The following FNDC3B variants were observed in gnomAD, a reference collection of about 807,000 sequenced individuals.
FNDC3B encodes the protein fibronectin type III domain-containing protein 3B.
A neutral mutation model predicts 151.5 loss-of-function variants in FNDC3B; 12 were observed. The ratio of observed to expected loss-of-function variants is 0.08; its 90% CI spans 0.05 to 0.13. The LOEUF is 0.13. FNDC3B is among the 10% of genes least tolerant of loss of function. The pLI, the probability that FNDC3B is intolerant of heterozygous loss-of-function variation, is 1.00. For missense variants in FNDC3B, 1,214 were observed against 1,505.3 expected, an observed-to-expected ratio of 0.81 and a Z score of 3.20; for synonymous variants, 528 against 549.0, an observed-to-expected ratio of 0.96 and a Z score of 0.54.
intron 1 of FNDC3B, among the ~76,000 whole-genome samples, chr3:172,054,576 G>A (rs1364952453): frequency 6.6e-6 from 1 of 152,216 alleles, no homozygotes; most frequent in Non-Finnish European, 1.5e-5. Flanking sequence ...CTTCTTCACA[G>A]GAATATTCCT....
intron 1 of FNDC3B, among the ~76,000 whole-genome samples, chr3:172,081,947 AAATT>A (rs1231865736): frequency 2.6e-5 from 4 of 152,204 alleles, no homozygotes; most frequent in South Asian, 2.1e-4. Flanking sequence ...TGGCTGAGTG[AAATT>A]AATTGTTAAC....
At chr3:172,388,608 C>A (rs1293446987) in intron 25 of FNDC3B, among the ~76,000 whole-genome samples, 1 of 152,182 alleles carries the variant, frequency 6.6e-6, no homozygotes, top group African/African-American at 2.4e-5. Flanking sequence ...CTGCACAGTC[C>A]TGGGGGAGGC....
chr3:172,122,951 C>G (rs180817243), intron 2 of FNDC3B, among the ~76,000 whole-genome samples: 3 of 152,322 alleles, frequency 2.0e-5, no homozygotes. Flanking sequence ...AAATGCAAAT[C>G]AGTTCTTGTT....
chr3:172,128,613 A>G (rs1016641939), intron 2 of FNDC3B, among the ~76,000 whole-genome samples: 10 of 152,256 alleles, frequency 6.6e-5, no homozygotes, highest in Non-Finnish European at 1.2e-4. Context: ...AAATAGTAGC[A>G]TGAGGAATAG....
At position 172,047,759 on chromosome 3, in the gene FNDC3B, C is replaced by T. The variant is rs76709711; in HGVS notation, c.-29+7988C>T. Among the ~76,000 whole-genome samples, 607 of 152,312 alleles carry T rather than the reference C, an allele frequency of 4.0e-3. 6 individuals carry two copies. The highest frequency in any genetic ancestry group is 0.014 in the African/African-American group (582 of 41,562). On this transcript the variant is annotated intron_variant, in intron 1 of 25. Coordinates refer to ENST00000415807, the MANE Select transcript of FNDC3B (RefSeq NM_022763.4). ...ATAAACACAATATCTGCCTCCCCCA[C>T]CCCACTCCACTCTACCAATAGACTC...
intron 1 of FNDC3B, among the ~76,000 whole-genome samples, chr3:172,094,611 T>C (rs1719008352): frequency 6.6e-6 from 1 of 152,162 alleles, no homozygotes; most frequent in South Asian, 2.1e-4. Context: ...ATTTAAGTAA[T>C]GCTGCTGTGA....
At chr3:172,367,716 G>A (rs941884770) in intron 23 of FNDC3B, among the ~76,000 whole-genome samples, 2 of 152,150 alleles carry the variant, frequency 1.3e-5, no homozygotes, top group Non-Finnish European at 2.9e-5. Context: ...GACCCCTGTG[G>A]GTCTGTGTTC....
chr3:172,289,386 T>A (rs1730200213), intron 7 of FNDC3B, among the ~76,000 whole-genome samples: 1 of 150,118 alleles, frequency 6.7e-6, no homozygotes, highest in Non-Finnish European at 1.5e-5. Context: ...AGCCTTAACT[T>A]GGTCACACCT....
chr3:172,083,573 C>T (rs965765322), intron 1 of FNDC3B, among the ~76,000 whole-genome samples: 1 of 152,216 alleles, frequency 6.6e-6, no homozygotes, highest in Non-Finnish European at 1.5e-5. Flanking sequence ...TCAAAACCAT[C>T]ATGTCCTATA....
At chr3:172,169,342 G>T (rs185415843) in intron 3 of FNDC3B, among the ~76,000 whole-genome samples, 1 of 152,360 alleles carries the variant, frequency 6.6e-6, no homozygotes, top group East Asian at 1.9e-4. Context: ...GATCTTTGCT[G>T]AGTGAGGCCT....
In FNDC3B at chr3:172,298,772, C is replaced by A. The variant is rs1168809996; in HGVS notation, c.1046C>A (p.Thr349Lys). The change falls in exon 9 of 26, where the codon ACA becomes AAA. Residue 349 changes from threonine to lysine, a missense_variant. Thr to Lys is a moderately conservative substitution (Grantham distance 78). Transcript: ENST00000415807. ...AACCTGAAAGATCTTAGACCAGCAA[C>A]AGATTATCATGTGAGGTGAGTTAGG... The part of the protein sequence containing the change: ...ECNLKDLRPA[T>K]DYHVRVYAMY... 6.2e-7 allele frequency: 1 copy of A among 1,608,198 alleles called. No individual in the cohort carries two copies. Among genetic ancestry groups the A allele is most frequent in the Admixed American group, 1.7e-5 (1 of 58,918 alleles).
intron 3 of FNDC3B, among the ~76,000 whole-genome samples, chr3:172,164,020 C>A (rs1004571441): frequency 6.6e-6 from 1 of 152,164 alleles, no homozygotes; most frequent in Non-Finnish European, 1.5e-5. Flanking sequence ...CCTTTTCACC[C>A]AGTGCATTTG....
At chr3:172,152,349 A>G (rs1246512673) in intron 3 of FNDC3B, among the ~76,000 whole-genome samples, 1 of 152,112 alleles carries the variant, frequency 6.6e-6, no homozygotes, top group African/African-American at 2.4e-5. Flanking sequence ...TGTATGGGGT[A>G]CTTAACGCCT....
intron 11 of FNDC3B, among the ~76,000 whole-genome samples, chr3:172,322,387 C>T (rs973882616): frequency 5.9e-5 from 9 of 152,186 alleles, no homozygotes; most frequent in Non-Finnish European, 2.9e-5. Context: ...CCTTTCCACA[C>T]CCAGCCTTGG....
chr3:172,078,173 TTTTGCCA>T (rs770995136), intron 1 of FNDC3B, among the ~76,000 whole-genome samples: 188 of 152,176 alleles, frequency 1.2e-3, no homozygotes, highest in Non-Finnish European at 1.9e-3. Context: ...TAGAGATGGG[TTTTGCCA>T]TGTTGGCCAG....
intron 25 of FNDC3B, among the ~76,000 whole-genome samples, chr3:172,388,089 C>CGG (rs1451969507): frequency 6.6e-6 from 1 of 152,198 alleles, no homozygotes; most frequent in African/African-American, 2.4e-5. Context: ...AGCATTAGAT[C>CGG]ATTCAATCAT....
rs1399721132 is a variant in FNDC3B at position 172,397,314 on chromosome 3, C to T, written c.3454C>T (p.Arg1152Ter). The T allele has an allele frequency of 6.2e-7, 1 of 1,614,044 alleles. No homozygotes were observed. The highest frequency in any genetic ancestry group is 1.7e-5 in the Admixed American group (1 of 59,996). Residue 1152 changes from arginine to a stop codon, truncating the protein, a stop_gained, in exon 26 of 26, where the codon CGA becomes TGA. Coordinates refer to ENST00000415807, the MANE Select transcript of FNDC3B (RefSeq NM_022763.4). LOFTEE classifies it high-confidence loss of function. ...CCCCTCTGCGGCTTTTGTATTACAA[C>T]GAAGTGAGGTCATGCTTACAGGGGA... Reference protein sequence around the residue: ...FSPSAAFVLQRSEVMLTGDMG... With the variant: ...FSPSAAFVLQ
chr3:172,395,586 T>C (rs1736232185), intron 25 of FNDC3B, among the ~76,000 whole-genome samples: 1 of 152,220 alleles, frequency 6.6e-6, no homozygotes, highest in South Asian at 2.1e-4. Flanking sequence ...TATTTAAATG[T>C]TAGTTTGTGA....
At chr3:172,177,881 T>C (rs1009762605) in intron 3 of FNDC3B, among the ~76,000 whole-genome samples, 3 of 151,844 alleles carry the variant, frequency 2.0e-5, no homozygotes, top group African/African-American at 7.3e-5. Context: ...CCCCAGTGTG[T>C]GTTGTTCCCC....
Sources: allele counts gnomAD v4.1 joint callset (sites outside exome capture counted in the v4.1 genomes callset), GRCh38; gene constraint gnomAD v4.1.1; transcripts MANE v1.5; gene names NCBI Gene and HGNC (gene_info 2026-07-23, HGNC 2026-07-21).